The following GPCPD1 variants were observed in gnomAD, a reference collection of about 807,000 sequenced individuals.
The protein encoded by GPCPD1 is glycerophosphocholine phosphodiesterase 1.
A neutral mutation model predicts 89.2 loss-of-function variants in GPCPD1; 29 were observed. That is an observed-to-expected ratio of 0.33 (90% CI 0.24 to 0.44). The LOEUF (loss-of-function observed/expected upper bound fraction) is 0.44. Ranked by LOEUF, GPCPD1 falls within the 20% of genes least tolerant of loss-of-function variation. The pLI is 1.00. For synonymous variants in GPCPD1, 258 were observed against 266.3 expected, an observed-to-expected ratio of 0.97 and a Z score of 0.30; for missense variants, 594 against 808.9, an observed-to-expected ratio of 0.73 and a Z score of 3.22.
In GPCPD1 at chr20:5,571,426, C is replaced by A. The variant is rs192136024; in HGVS notation, c.1057-1187G>T. Among the ~76,000 whole-genome samples the A allele has an allele frequency of 5.9e-5, 9 of 152,254 alleles. No homozygotes were observed. In the East Asian group the frequency reaches 1.5e-3, roughly 26 times the overall value. Reference sequence around the variant, plus strand: ...GAAGACAAAACTTAATCCCAAAATTCATCATGAGGTTTAAGTAATAAGCCA... The same window carrying A: ...GAAGACAAAACTTAATCCCAAAATTAATCATGAGGTTTAAGTAATAAGCCA... On this transcript the variant is annotated intron_variant, in intron 11 of 19. Coordinates refer to ENST00000379019, the MANE Select transcript of GPCPD1 (RefSeq NM_019593.5).
At position 5,575,802 on chromosome 20, in the gene GPCPD1, G is replaced by A; in HGVS notation, c.868+14C>T. ...ACTTAACCTTGGGTTATTTGGCAGTGTCTTCAACCTTACCTCTCACTTTGC... is the reference window on the plus strand; with the variant it reads ...ACTTAACCTTGGGTTATTTGGCAGTATCTTCAACCTTACCTCTCACTTTGC... On this transcript the variant is annotated intron_variant, in intron 9 of 19. Coordinates refer to ENST00000379019, the MANE Select transcript of GPCPD1 (RefSeq NM_019593.5). 1 of 1,568,418 alleles carries A rather than the reference G, an allele frequency of 6.4e-7. No individual in the cohort carries two copies. The highest frequency in any genetic ancestry group is 8.8e-7 in the Non-Finnish European group (1 of 1,141,454).
At chr20:5,572,184 ACTCCAGCCT>A in intron 11 of GPCPD1, among the ~76,000 whole-genome samples, 1 of 152,274 alleles carries the variant, frequency 6.6e-6, no homozygotes, top group East Asian at 1.9e-4. Context: ...CTGCCACTGC[ACTCCAGCCT>A]GGGTGACGAA....
intron 1 of GPCPD1, among the ~76,000 whole-genome samples, chr20:5,606,988 G>C (rs1194229654): frequency 6.6e-6 from 1 of 152,150 alleles, no homozygotes; most frequent in Non-Finnish European, 1.5e-5. Flanking sequence ...TACTACACTA[G>C]TGCAAACCTT....
intron 4 of GPCPD1, among the ~76,000 whole-genome samples, chr20:5,590,742 ATAAT>A (rs1008747824): frequency 2.6e-5 from 4 of 152,180 alleles, no homozygotes; most frequent in Non-Finnish European, 5.9e-5. Context: ...TATTCTGAAA[ATAAT>A]TATCTATCGC....
chr20:5,568,262 T>C (rs1449679147), intron 12 of GPCPD1, among the ~76,000 whole-genome samples: 2 of 149,458 alleles, frequency 1.3e-5, no homozygotes, highest in East Asian at 3.9e-4. Context: ...TATATATATA[T>C]ACTAAAATCC....
At chr20:5,549,748 CAAAAAA>C (rs397864689) in intron 19 of GPCPD1, among the ~76,000 whole-genome samples, 4 of 95,612 alleles carry the variant, frequency 4.2e-5, no homozygotes, top group African/African-American at 8.2e-5. Flanking sequence ...GAACCTGCCT[CAAAAAA>C]AAAAAAAAAA....
intron 8 of GPCPD1, among the ~76,000 whole-genome samples, chr20:5,576,849 G>C (rs2122667463): frequency 6.6e-6 from 1 of 152,116 alleles, no homozygotes; most frequent in South Asian, 2.1e-4. Flanking sequence ...ACAAAGTAAA[G>C]GGAAGGTAGG....
intron 19 of GPCPD1, among the ~76,000 whole-genome samples, chr20:5,551,168 C>T (rs1985384691): frequency 6.6e-6 from 1 of 152,174 alleles, no homozygotes; most frequent in Non-Finnish European, 1.5e-5. Context: ...ACAGCCCACT[C>T]CTGCTATACC....
At chr20:5,606,689 G>A (rs2032619311) in intron 1 of GPCPD1, among the ~76,000 whole-genome samples, 1 of 152,138 alleles carries the variant, frequency 6.6e-6, no homozygotes, top group African/African-American at 2.4e-5. Flanking sequence ...CATACAATAC[G>A]CAGAACAGCC....
chr20:5,583,779 C>T (rs1340653714), intron 6 of GPCPD1, among the ~76,000 whole-genome samples: 1 of 152,128 alleles, frequency 6.6e-6, no homozygotes, highest in Non-Finnish European at 1.5e-5. Flanking sequence ...ACATTTCACA[C>T]TTTAGATATT....
rs1985873425 is a variant in GPCPD1, at chr20:5,557,997, C to G, written c.1777G>C (p.Glu593Gln). Residue 593 changes from glutamate to glutamine, a missense_variant, in exon 19 of 20, where the codon GAA becomes CAA. Glu to Gln is a conservative substitution (Grantham distance 29, BLOSUM62 2). Transcript: ENST00000379019. ...FCWGDDTNDP[E>Q]NRRKLKELGV... ...AGTTCCTTCAATTTCCTTCTGTTTT[C>G]AGGATCATTGGTATCATCACCCCAG... is the stretch of plus-strand genomic sequence containing the variant. The G allele has an allele frequency of 8.1e-6, 13 of 1,602,446 alleles. No homozygotes were observed. The highest frequency in any genetic ancestry group is 2.2e-5 in the South Asian group (2 of 90,570).
chr20:5,601,556 A>G (rs1471035394), intron 2 of GPCPD1, among the ~76,000 whole-genome samples: 1 of 151,734 alleles, frequency 6.6e-6, no homozygotes, highest in East Asian at 1.9e-4. Context: ...TTTAGTAGAG[A>G]CGGAGTTTCA....
At chr20:5,553,906 G>GA (rs1985590677) in intron 19 of GPCPD1, among the ~76,000 whole-genome samples, 1 of 92,292 alleles carries the variant, frequency 1.1e-5, no homozygotes, top group African/African-American at 5.0e-5. Flanking sequence ...AGAAGCTGCA[G>GA]TTAAGGTATC....
intron 19 of GPCPD1, chr20:5,549,395 C>G (rs1985235689): frequency 8.2e-7 from 1 of 1,213,642 alleles, no homozygotes; most frequent in Non-Finnish European, 1.2e-6. Context: ...GTTAGGACTT[C>G]CTCCAAACAT....
chr20:5,563,789 A>G (rs1175070190), intron 15 of GPCPD1, among the ~76,000 whole-genome samples: 1 of 152,210 alleles, frequency 6.6e-6, no homozygotes, highest in African/African-American at 2.4e-5. Flanking sequence ...TGAGATTTTA[A>G]TGATTTAGAT....
chr20:5,561,420 A>T, intron 16 of GPCPD1, 45 bp downstream of exon 16: 1 of 992,000 alleles, frequency 1.0e-6, no homozygotes, highest in Non-Finnish European at 1.5e-6. Flanking sequence ...AATTTTTTAG[A>T]TAGGCATAGA....
In GPCPD1 at chr20:5,586,307, A is replaced by T. The variant is rs377212677; in HGVS notation, c.232-38T>A. On this transcript the variant is annotated intron_variant, in intron 4 of 19. Coordinates refer to ENST00000379019, the MANE Select transcript of GPCPD1 (RefSeq NM_019593.5). ...AGTTAAACGTCTGCAATAATTTCTT[A>T]TATCTTATTTTCTACCCATGACTCC... The T allele has an allele frequency of 1.0e-5, 12 of 1,169,620 alleles. No homozygotes were observed. The African/African-American group carries it at 1.2e-4, about 12-fold the overall frequency. 72.5% of individuals were successfully genotyped at this position (1,169,620 alleles called of 1,614,324 possible).
chr20:5,558,578 T>C (rs1985908276), intron 18 of GPCPD1, 106 bp downstream of exon 18: 3 of 643,138 alleles, frequency 4.7e-6, no homozygotes, highest in African/African-American at 1.9e-5. Context: ...TGCTACAGTT[T>C]AGTCAAAACG....
In GPCPD1 at chr20:5,567,828, T is replaced by C. The variant is rs1986480298; in HGVS notation, c.1150-268A>G. ...GGAAAATGCAGCTGGCAGAAAGCTG[T>C]AGCGCTGAAGACAGCTGAGGATAGA... On this transcript the variant is annotated intron_variant, in intron 12 of 19. Coordinates refer to ENST00000379019, the MANE Select transcript of GPCPD1 (RefSeq NM_019593.5). The C allele has an allele frequency of 1.0e-5, 3 of 301,002 alleles. No individual in the cohort carries two copies. In the South Asian group the frequency reaches 2.1e-4, roughly 21 times the overall value. 18.6% of individuals were successfully genotyped at this position (301,002 alleles called of 1,614,324 possible). A position where few individuals can be genotyped will look rare whatever the true frequency, so the allele number is the denominator to read the frequency against.
Sources: allele counts gnomAD v4.1 joint callset (sites outside exome capture counted in the v4.1 genomes callset), GRCh38; gene constraint gnomAD v4.1.1; transcripts MANE v1.5; gene names NCBI Gene and HGNC (gene_info 2026-07-23, HGNC 2026-07-21).